Variants in PCDH7 observed in about 807,000 individuals in gnomAD.
The protein encoded by PCDH7 is protocadherin 7, also known as protocadherin-7.
In PCDH7, 17 loss-of-function variants were observed where a neutral mutation model predicts 58.9. The observed-to-expected ratio is 0.29, with a 90% CI of 0.20 to 0.43. The LOEUF (loss-of-function observed/expected upper bound fraction) is 0.43, where lower values mean the gene tolerates loss of function less well. Ranked by LOEUF, PCDH7 falls within the 20% of genes least tolerant of loss-of-function variation. The pLI is 1.00. For missense variants in PCDH7, 1,274 were observed against 1,441.0 expected, an observed-to-expected ratio of 0.88 and a Z score of 1.88; for synonymous variants, 664 against 616.4, an observed-to-expected ratio of 1.08 and a Z score of -1.14.
At position 30,723,218 on chromosome 4, in the gene PCDH7, G is replaced by T; in HGVS notation, c.1796G>T (p.Arg599Leu). 6.2e-7 allele frequency: 1 copy of T among 1,614,206 alleles called. No homozygotes were observed. Among genetic ancestry groups the T allele is most frequent in the Non-Finnish European group, 8.5e-7 (1 of 1,180,050 alleles). ...ATCCTGGTCAATACCGTGCTGGACC[G>T]CGAGCAGACTGACAGGTATGAGTTT... The change falls in exon 1 of 2, where the codon CGC becomes CTC. Residue 599 changes from arginine (R) to leucine (L), a missense_variant. This residue lies in a region of PCDH7 where 731 missense variants were observed against 881.9 expected (regional missense o/e 0.83). Transcript: ENST00000361762. This position sits in a 1 kb window ranked among gnomAD's most constrained non-coding sequence, Gnocchi z 4.6.
chr4:31,097,113 C>T (rs1212738476), intron 3 of PCDH7, among the ~76,000 whole-genome samples: 1 of 152,064 alleles, frequency 6.6e-6, no homozygotes, highest in Non-Finnish European at 1.5e-5. Context: ...TAAACAATGA[C>T]AAATAGAAAG....
chr4:30,979,477 T>C (rs1057054997), intron 3 of PCDH7, among the ~76,000 whole-genome samples: 2 of 152,124 alleles, frequency 1.3e-5, no homozygotes, highest in Non-Finnish European at 2.9e-5. Context: ...TTTACAAATA[T>C]CAATTCTGAT....
intron 1 of PCDH7, among the ~76,000 whole-genome samples, chr4:30,888,237 T>C (rs1738113167): frequency 6.6e-6 from 1 of 152,088 alleles, no homozygotes; most frequent in Admixed American, 6.6e-5. Context: ...ATCCAAAGCA[T>C]GACCATACTT....
In PCDH7 at chr4:31,028,059, AT is replaced by A. The variant is rs922866629; in HGVS notation, c.*7+77852del. On this transcript the variant is annotated intron_variant, in intron 3 of 3. Transcript: ENST00000509759. The stretch of plus-strand genomic sequence containing the variant: ...GTACCTTTTATAACTTTTATTTTTA[AT>A]TTTTTTTAATACAAGAGAAATACTC... Among the ~76,000 whole-genome samples, 138 of 151,912 alleles carry A rather than the reference AT, an allele frequency of 9.1e-4. 2 individuals are homozygous for A. The highest frequency in any genetic ancestry group is 9.7e-4 in the African/African-American group (40 of 41,420).
chr4:30,745,353 G>A (rs777282872), intron 1 of PCDH7, among the ~76,000 whole-genome samples: 1 of 151,162 alleles, frequency 6.6e-6, no homozygotes. Context: ...TTATTTTTAG[G>A]TGGCTTTCAT....
intron 1 of PCDH7, among the ~76,000 whole-genome samples, chr4:30,816,426 C>G (rs1289099483): frequency 6.6e-6 from 1 of 152,124 alleles, no homozygotes; most frequent in East Asian, 1.9e-4. Context: ...TTTCTTGTGA[C>G]AACTTTTGAC....
chr4:30,728,536 G>A (rs1355881947), intron 1 of PCDH7, among the ~76,000 whole-genome samples: 1 of 151,644 alleles, frequency 6.6e-6, no homozygotes, highest in Non-Finnish European at 1.5e-5. Context: ...TGGAAGTTAG[G>A]CTGTGTCTTT....
At chr4:31,026,279 A>G (rs906565521) in intron 3 of PCDH7, among the ~76,000 whole-genome samples, 2 of 152,098 alleles carry the variant, frequency 1.3e-5, no homozygotes, top group Non-Finnish European at 2.9e-5. Context: ...ATTTGCCTCT[A>G]TTTTCTGTGC....
At chr4:30,864,413 GA>G in intron 1 of PCDH7, among the ~76,000 whole-genome samples, 1 of 142,114 alleles carries the variant, frequency 7.0e-6, no homozygotes, top group South Asian at 2.3e-4. Flanking sequence ...TTTTATCTTA[GA>G]AAGAAAAATT....
chr4:30,905,206 G>A (rs985644135), intron 1 of PCDH7, among the ~76,000 whole-genome samples: 2 of 152,210 alleles, frequency 1.3e-5, no homozygotes, highest in Non-Finnish European at 1.5e-5. Flanking sequence ...TATTTTAGGA[G>A]GTAGCTTTTT....
At chr4:30,918,561 C>G (rs1742779718) in intron 1 of PCDH7, among the ~76,000 whole-genome samples, 1 of 151,810 alleles carries the variant, frequency 6.6e-6, no homozygotes, top group Non-Finnish European at 1.5e-5. Context: ...AAATTTAAAT[C>G]CATAACATAC....
intron 3 of PCDH7, among the ~76,000 whole-genome samples, chr4:30,985,381 T>G (rs920585356): frequency 1.3e-5 from 2 of 152,210 alleles, no homozygotes; most frequent in Admixed American, 1.3e-4. Flanking sequence ...TACCTTCATT[T>G]TTTTTCAACA....
intron 3 of PCDH7, among the ~76,000 whole-genome samples, chr4:31,040,342 C>T (rs1222926907): frequency 1.3e-5 from 2 of 152,124 alleles, no homozygotes; most frequent in Non-Finnish European, 2.9e-5. Flanking sequence ...ATTTCTTGAA[C>T]TTCATATACA....
chr4:31,059,122 A>C (rs1757483011), intron 3 of PCDH7, among the ~76,000 whole-genome samples: 1 of 151,912 alleles, frequency 6.6e-6, no homozygotes, highest in African/African-American at 2.4e-5. Flanking sequence ...ACTTCATACC[A>C]TTATGTCTTA....
At chr4:30,971,723 A>G (rs1749605394) in intron 3 of PCDH7, among the ~76,000 whole-genome samples, 1 of 152,176 alleles carries the variant, frequency 6.6e-6, no homozygotes, top group South Asian at 2.1e-4. Context: ...ACCAACCATG[A>G]GCACACCATT....
chr4:30,926,162 T>C lies in PCDH7; in HGVS notation c.287+5793T>C, dbSNP rs138059339. Reference sequence around the variant, plus strand: ...TTATTATTTAAATAACAATGATAAATAGTTGGGATTATTATTAACTTTAGG... The same window carrying C: ...TTATTATTTAAATAACAATGATAAACAGTTGGGATTATTATTAACTTTAGG... On this transcript the variant is annotated intron_variant, in intron 2 of 3. Transcript: ENST00000509759. 1.3e-3 allele frequency among the ~76,000 whole-genome samples: 200 copies of C among 149,590 alleles called. 1 individual carries two copies. Among genetic ancestry groups the C allele is most frequent in the African/African-American group, 4.3e-3 (174 of 40,544 alleles).
intron 3 of PCDH7, among the ~76,000 whole-genome samples, chr4:30,966,162 T>G (rs1368370569): frequency 1.3e-5 from 2 of 152,142 alleles, no homozygotes; most frequent in African/African-American, 4.8e-5. Flanking sequence ...ATGTCAGAGC[T>G]TGGAAGTTAC....
At chr4:31,021,798 G>A (rs1165194765) in intron 3 of PCDH7, among the ~76,000 whole-genome samples, 1 of 152,120 alleles carries the variant, frequency 6.6e-6, no homozygotes, top group Non-Finnish European at 1.5e-5. Context: ...ATCTAGAGAT[G>A]TGGAAGGGGA....
At chr4:30,750,231 T>C (rs1718330345) in intron 1 of PCDH7, among the ~76,000 whole-genome samples, 1 of 152,140 alleles carries the variant, frequency 6.6e-6, no homozygotes, top group Admixed American at 6.5e-5. Flanking sequence ...AACAGAGAAA[T>C]TTGGAGAAGG....
Sources: gnomAD v4.1 joint callset for allele counts (sites outside exome capture counted in the v4.1 genomes callset) on GRCh38, gnomAD v4.1.1 for gene constraint, gnomAD v4.1.1 regional missense constraint, Gnocchi (gnomAD v3.1) non-coding constraint, MANE v1.5 for transcripts, NCBI Gene and HGNC (gene_info 2026-07-23, HGNC 2026-07-21) for gene names.